GABRA1: variants seen among roughly 807,000 people sequenced by gnomAD.
The protein encoded by GABRA1 is gamma-aminobutyric acid type A receptor subunit alpha1.
Under a neutral mutation model 48.9 loss-of-function variants are expected in GABRA1, and 9 were observed. That is an observed-to-expected ratio of 0.18 (90% CI 0.11 to 0.32). GABRA1 has a LOEUF of 0.32. Among genes scored for constraint, GABRA1 ranks in the 10% least tolerant of loss-of-function variants. GABRA1 has a pLI of 1.00. For synonymous variants in GABRA1, 210 were observed against 198.7 expected, an observed-to-expected ratio of 1.06 and a Z score of -0.48; for missense variants, 285 against 553.8, an observed-to-expected ratio of 0.51 and a Z score of 4.87.
Position 161,897,394 on chromosome 5 carries a change from A to T in GABRA1, c.1343A>T (p.Gln448Leu). Residue 448 changes from glutamine to leucine, a missense_variant, in exon 10 of 10, where the codon CAG becomes CTG. Coordinates refer to ENST00000393943, the MANE Select transcript of GABRA1 (RefSeq NM_001127644.2). ...GCTACGTATTTAAACAGAGAGCCTC[A>T]GCTAAAAGCCCCCACACCACATCAA... ...YWATYLNREPQLKAPTPHQ is the reference protein window; with the variant it reads ...YWATYLNREPLLKAPTPHQ The T allele has an allele frequency of 6.2e-7, 1 of 1,614,148 alleles. No homozygotes were observed. Among genetic ancestry groups the T allele is most frequent in the Non-Finnish European group, 8.5e-7 (1 of 1,179,982 alleles).
intron 2 of GABRA1, among the ~76,000 whole-genome samples, chr5:161,853,157 G>C (rs1757516969): frequency 6.6e-6 from 1 of 151,734 alleles, no homozygotes; most frequent in Non-Finnish European, 1.5e-5. Context: ...AAGGATTTTG[G>C]AGTTGTCATG....
At position 161,893,045 on chromosome 5, in the gene GABRA1, T is replaced by TAAAA. The variant is rs201703824; in HGVS notation, c.856+1997_856+1998insAAAA. On this transcript the variant is annotated intron_variant, in intron 8 of 9. Transcript: ENST00000393943. ...ATAATAATAATAATAATAATAATAA[T>TAAAA]AATAAAATAAACACAGGACATATTT... Among the ~76,000 whole-genome samples, 11 of 86,328 alleles carry TAAAA rather than the reference T, an allele frequency of 1.3e-4. No homozygotes were observed. In the South Asian group the frequency reaches 3.2e-3, roughly 25 times the overall value. The allele number at this position is 86,328 out of a possible 152,430, so 56.6% of individuals were successfully genotyped here. A position where few individuals can be genotyped will look rare whatever the true frequency, so the allele number is the denominator to read the frequency against.
Position 161,856,424 on chromosome 5 carries a change from G to A in GABRA1, c.187+2154G>A, listed in dbSNP as rs1485223780. 2.6e-5 allele frequency among the ~76,000 whole-genome samples: 4 copies of A among 151,346 alleles called. No homozygotes were observed. In the East Asian group the frequency reaches 7.7e-4, roughly 29 times the overall value. The stretch of plus-strand genomic sequence containing the variant: ...CCTTTTAGTGAAATGAGCCTAATAT[G>A]CTACAATAATTCCAGGACTTGAGAA... On this transcript the variant is annotated intron_variant, in intron 3 of 9. Coordinates refer to ENST00000393943, the MANE Select transcript of GABRA1 (RefSeq NM_001127644.2).
At chr5:161,874,715 T>A (rs896817464) in intron 5 of GABRA1, among the ~76,000 whole-genome samples, 2 of 152,174 alleles carry the variant, frequency 1.3e-5, no homozygotes, top group African/African-American at 4.8e-5. Context: ...GGTATTCTAA[T>A]CATTTAATGA....
At chr5:161,894,594 G>C (rs545390284) in intron 8 of GABRA1, among the ~76,000 whole-genome samples, 1 of 152,138 alleles carries the variant, frequency 6.6e-6, no homozygotes, top group South Asian at 2.1e-4. Flanking sequence ...CTAGTCACTG[G>C]AAGAAGTCAG....
Position 161,899,903 on chromosome 5 carries a change from T to C in GABRA1, c.*2481T>C, listed in dbSNP as rs978166189. On this transcript the variant is annotated 3_prime_UTR_variant, in exon 10 of 10. Transcript: ENST00000393943. ...AGTTTAGCAAAAGCTCTTAATTTTATGTCATACTGTATTCTACTGAATAAT... is the reference window on the plus strand; with the variant it reads ...AGTTTAGCAAAAGCTCTTAATTTTACGTCATACTGTATTCTACTGAATAAT... 1 of 152,334 alleles carries C rather than the reference T, an allele frequency of 6.6e-6. No homozygotes were observed. The highest frequency in any genetic ancestry group is 2.4e-5 in the African/African-American group (1 of 41,584). The allele number at this position is 152,334 out of a possible 1,614,324, so 9.4% of individuals were successfully genotyped here.
At chr5:161,881,112 A>G (rs113182497) in intron 6 of GABRA1, among the ~76,000 whole-genome samples, 1 of 152,208 alleles carries the variant, frequency 6.6e-6, no homozygotes, top group African/African-American at 2.4e-5. Flanking sequence ...TCCTAAAAGT[A>G]TTGAGGGCCT....
chr5:161,895,980 C>CT, intron 9 of GABRA1, 112 bp downstream of exon 9: 1 of 911,890 alleles, frequency 1.1e-6, no homozygotes, highest in South Asian at 1.4e-5. Flanking sequence ...AATAAGGATT[C>CT]TTTTTTTCTT....
At chr5:161,876,109 G>A (rs1436049420) in intron 6 of GABRA1, among the ~76,000 whole-genome samples, 1 of 151,990 alleles carries the variant, frequency 6.6e-6, no homozygotes, top group East Asian at 1.9e-4. Context: ...CCAAACTGAT[G>A]TTGCAAAAAA....
chr5:161,877,180 A>G (rs114232830), intron 6 of GABRA1, among the ~76,000 whole-genome samples: 2,910 of 152,288 alleles, frequency 0.019, 50 homozygotes, highest in Non-Finnish European at 0.029. Context: ...CCTGGTCTCA[A>G]GTAAACCTTC....
In GABRA1 at chr5:161,897,406, C is replaced by G; in HGVS notation, c.1355C>G (p.Pro452Arg). 6.2e-7 allele frequency: 1 copy of G among 1,613,878 alleles called. No homozygotes were observed. The highest frequency in any genetic ancestry group is 8.5e-7 in the Non-Finnish European group (1 of 1,179,768). Reference protein sequence around the residue: ...YLNREPQLKAPTPHQ With the variant: ...YLNREPQLKARTPHQ ...AACAGAGAGCCTCAGCTAAAAGCCC[C>G]CACACCACATCAATAGATCTTTTAC... Residue 452 changes from proline to arginine, a missense_variant, in exon 10 of 10, where the codon CCC becomes CGC. By Grantham distance (103) the Pro-to-Arg change is moderately radical (BLOSUM62 -2). This residue lies in a region of GABRA1 where 16 missense variants were observed against 16.5 expected (regional missense o/e 0.97). Transcript: ENST00000393943.
At position 161,895,890 on chromosome 5, in the gene GABRA1, G is replaced by A. The variant is rs183973884; in HGVS notation, c.1059+22G>A. On this transcript the variant is annotated intron_variant, in intron 9 of 9. Transcript: ENST00000393943. ...AAAGGTAAATGCTTTAATGGTCACT[G>A]TAGTACATCAATATTATGTCTCTTT... is the stretch of plus-strand genomic sequence containing the variant. The A allele has an allele frequency of 1.9e-4, 295 of 1,574,768 alleles. 1 individual carries two copies. The South Asian group carries it at 1.9e-3, about 10-fold the overall frequency.
At chr5:161,870,920 A>T (rs1754086826) in intron 4 of GABRA1, among the ~76,000 whole-genome samples, 1 of 151,564 alleles carries the variant, frequency 6.6e-6, no homozygotes, top group Non-Finnish European at 1.5e-5. Context: ...GAAAATGGAA[A>T]TGAAGATTAA....
At chr5:161,848,676 A>G (rs956479393) in intron 1 of GABRA1, 3 of 255,730 alleles carry the variant, frequency 1.2e-5, no homozygotes, top group Non-Finnish European at 2.3e-5. Context: ...CATTATTATT[A>G]TTTTTTTCCC....
intron 3 of GABRA1, among the ~76,000 whole-genome samples, chr5:161,863,750 G>C (rs543249157): frequency 6.6e-6 from 1 of 151,522 alleles, no homozygotes; most frequent in African/African-American, 2.4e-5. Context: ...ATATTTTGAA[G>C]CTTTTTTTTT....
chr5:161,886,279 C>A (rs191509175), intron 7 of GABRA1, among the ~76,000 whole-genome samples: 1 of 151,656 alleles, frequency 6.6e-6, no homozygotes, highest in East Asian at 1.9e-4. Context: ...AGTTATACTA[C>A]AAAGATTTCA....
chr5:161,852,061 T>C (rs1263830073), intron 2 of GABRA1, among the ~76,000 whole-genome samples: 2 of 152,086 alleles, frequency 1.3e-5, no homozygotes, highest in Non-Finnish European at 2.9e-5. Context: ...GTAGGGTTTT[T>C]TTCTGGCAAT....
chr5:161,886,328 C>G (rs1581210650), intron 7 of GABRA1, among the ~76,000 whole-genome samples: 1 of 145,822 alleles, frequency 6.9e-6, no homozygotes, highest in Non-Finnish European at 1.5e-5. Flanking sequence ...TGACTTTTGA[C>G]AAGTGTTTTA....
intron 8 of GABRA1, among the ~76,000 whole-genome samples, chr5:161,894,055 T>A (rs557061954): frequency 6.6e-6 from 1 of 152,284 alleles, no homozygotes; most frequent in South Asian, 2.1e-4. Flanking sequence ...TTTAAAAAAA[T>A]TGAATTTATT....
Sources: allele counts gnomAD v4.1 joint callset (sites outside exome capture counted in the v4.1 genomes callset), GRCh38; gene constraint gnomAD v4.1.1; regional missense constraint gnomAD v4.1.1; transcripts MANE v1.5; gene names NCBI Gene and HGNC (gene_info 2026-07-23, HGNC 2026-07-21).